The following GRM8 variants were observed in gnomAD, a reference collection of about 807,000 sequenced individuals.
GRM8 encodes metabotropic glutamate receptor 8.
Under a neutral mutation model 87.2 loss-of-function variants are expected in GRM8, and 47 were observed. The observed-to-expected ratio is 0.54, with a 90% CI of 0.43 to 0.69. The LOEUF (loss-of-function observed/expected upper bound fraction) is 0.69. Ranked by LOEUF, GRM8 falls within the 30% of genes least tolerant of loss-of-function variation. The pLI is 0.00. For synonymous variants in GRM8, 396 were observed against 404.5 expected (o/e 0.98, Z 0.25); for missense variants, 1,019 against 1,139.2 (o/e 0.89, Z 1.52).
At chr7:127,187,880 C>G (rs1794821623) in intron 2 of GRM8, among the ~76,000 whole-genome samples, 1 of 152,178 alleles carries the variant, frequency 6.6e-6, no homozygotes, top group South Asian at 2.1e-4. Flanking sequence ...AAAAATGATA[C>G]TACAATGGGG....
At chr7:126,834,965 A>G (rs1463188397) in intron 6 of GRM8, among the ~76,000 whole-genome samples, 1 of 151,580 alleles carries the variant, frequency 6.6e-6, no homozygotes, top group Non-Finnish European at 1.5e-5. Context: ...ATTCCCAGCT[A>G]TTTGGGAGGC....
Position 126,476,140 on chromosome 7 carries a change from T to C in GRM8, c.2431-29768A>G, listed in dbSNP as rs1805879706. 3.3e-5 allele frequency among the ~76,000 whole-genome samples: 5 copies of C among 152,120 alleles called. No individual in the cohort carries two copies. In the South Asian group the frequency reaches 1.0e-3, roughly 32 times the overall value. ...CAAATTAAAAAGCTTCTGCATCCTG[T>C]AATCCCAGCAACTCAGGAGGCTGAG... is the stretch of plus-strand genomic sequence containing the variant. On this transcript the variant is annotated intron_variant, in intron 9 of 10. Coordinates refer to ENST00000339582, the MANE Select transcript of GRM8 (RefSeq NM_000845.3).
intron 6 of GRM8, among the ~76,000 whole-genome samples, chr7:126,770,528 T>C (rs768312485): frequency 1.3e-5 from 2 of 152,090 alleles, no homozygotes; most frequent in African/African-American, 2.4e-5. Context: ...GGGAGCCTTT[T>C]TGTAACTTTT....
In GRM8 at chr7:127,240,424, CAA is replaced by C. The variant is rs11305864; in HGVS notation, c.510+2269_510+2270del. Reference sequence around the variant, plus strand: ...TTTTGCAGATTGGCTGATTCTATGGCAAAAAAAAAAAAAAAATGCAAACAAGC... The same window carrying C: ...TTTTGCAGATTGGCTGATTCTATGGCAAAAAAAAAAAAAATGCAAACAAGC... On this transcript the variant is annotated intron_variant, in intron 2 of 10. Coordinates refer to ENST00000339582, the MANE Select transcript of GRM8 (RefSeq NM_000845.3). Among the ~76,000 whole-genome samples the C allele has an allele frequency of 3.7e-3, 529 of 141,230 alleles. 1 individual carries two copies. Among genetic ancestry groups the C allele is most frequent in the East Asian group, 7.3e-3 (35 of 4,798 alleles). The allele number at this position is 141,230 out of a possible 152,430, so 92.7% of individuals were successfully genotyped here.
chr7:126,534,908 G>T (rs529108775), intron 8 of GRM8, among the ~76,000 whole-genome samples: 1 of 152,192 alleles, frequency 6.6e-6, no homozygotes, highest in East Asian at 1.9e-4. Context: ...CATACAATTT[G>T]CCCTCGATAC....
At chr7:126,676,503 C>T (rs911434478) in intron 7 of GRM8, among the ~76,000 whole-genome samples, 3 of 152,136 alleles carry the variant, frequency 2.0e-5, no homozygotes, top group African/African-American at 7.2e-5. Context: ...ACCAAGACAG[C>T]ATGGTACTGG....
chr7:127,252,915 T>G lies in GRM8; in HGVS notation c.-430A>C. The G allele has an allele frequency of 4.9e-6, 1 of 204,258 alleles. No homozygotes were observed. The highest frequency in any genetic ancestry group is 9.5e-6 in the Non-Finnish European group (1 of 105,266). The allele number at this position is 204,258 out of a possible 1,614,324, so 12.7% of individuals were successfully genotyped here. On this transcript the variant is annotated 5_prime_UTR_variant, in exon 1 of 11. Coordinates refer to ENST00000339582, the MANE Select transcript of GRM8 (RefSeq NM_000845.3). This position sits in a 1 kb window ranked among gnomAD's most constrained non-coding sequence, Gnocchi z 4.9. The stretch of plus-strand genomic sequence containing the variant: ...CGAGCACAGCGGCCGCACTTGTGGC[T>G]GATCTCTGGGCTGAGGGGGCTGAGC...
intron 9 of GRM8, among the ~76,000 whole-genome samples, chr7:126,501,827 G>A (rs1333605275): frequency 6.6e-6 from 1 of 151,936 alleles, no homozygotes. Flanking sequence ...GGAAGAGTCG[G>A]GGCAGGTCTG....
chr7:126,522,396 T>C lies in GRM8; in HGVS notation c.2430+10556A>G, dbSNP rs149205131. Reference sequence around the variant, plus strand: ...AAAATATAATGGTACTGAGAACATATTCATGCTCAAAAAGGTTAAATATAC... The same window carrying C: ...AAAATATAATGGTACTGAGAACATACTCATGCTCAAAAAGGTTAAATATAC... On this transcript the variant is annotated intron_variant, in intron 9 of 10. Coordinates refer to ENST00000339582, the MANE Select transcript of GRM8 (RefSeq NM_000845.3). Among the ~76,000 whole-genome samples, 11 of 152,294 alleles carry C rather than the reference T, an allele frequency of 7.2e-5. No homozygotes were observed. In the East Asian group the frequency reaches 2.1e-3, roughly 29 times the overall value.
At chr7:126,677,357 A>AC (rs1224262819) in intron 7 of GRM8, among the ~76,000 whole-genome samples, 1 of 123,160 alleles carries the variant, frequency 8.1e-6, no homozygotes, top group Non-Finnish European at 1.9e-5. Flanking sequence ...AGGGGCATCC[A>AC]CCCAAAAAAA....
intron 6 of GRM8, among the ~76,000 whole-genome samples, chr7:126,793,994 T>C (rs898588388): frequency 2.0e-5 from 3 of 152,164 alleles, no homozygotes; most frequent in Non-Finnish European, 4.4e-5. Context: ...GGATCATTAA[T>C]AGCAGTAGAG....
chr7:126,979,292 A>G (rs569786929), intron 3 of GRM8, among the ~76,000 whole-genome samples: 263 of 152,370 alleles, frequency 1.7e-3, no homozygotes, highest in Admixed American at 5.3e-3. Flanking sequence ...TTGCCTAAGC[A>G]AGCTATAACC....
intron 7 of GRM8, among the ~76,000 whole-genome samples, chr7:126,682,227 T>C (rs1488003287): frequency 6.6e-6 from 1 of 152,238 alleles, no homozygotes; most frequent in Non-Finnish European, 1.5e-5. Flanking sequence ...ATTATATCCC[T>C]ACTGTACTAA....
intron 6 of GRM8, among the ~76,000 whole-genome samples, chr7:126,878,629 C>T (rs1425063205): frequency 1.3e-5 from 2 of 151,306 alleles, no homozygotes; most frequent in African/African-American, 4.9e-5. Context: ...AAGCGATTCT[C>T]CAGCCTCAGC....
At chr7:126,607,712 T>C (rs62477890) in intron 8 of GRM8, among the ~76,000 whole-genome samples, 1 of 152,116 alleles carries the variant, frequency 6.6e-6, no homozygotes, top group Non-Finnish European at 1.5e-5. Context: ...ATTATTATTA[T>C]TATACTTTAA....
intron 3 of GRM8, among the ~76,000 whole-genome samples, chr7:127,010,790 G>T (rs11563511): frequency 0.071 from 10,812 of 152,130 alleles, 529 homozygotes; most frequent in South Asian, 0.12. Context: ...CCAGATTTGA[G>T]GAGGGACAAA....
At chr7:126,495,661 T>C (rs1455320844) in intron 9 of GRM8, among the ~76,000 whole-genome samples, 1 of 151,926 alleles carries the variant, frequency 6.6e-6, no homozygotes, top group African/African-American at 2.4e-5. Flanking sequence ...TCATTAGGGG[T>C]ATCAAAAGTT....
At chr7:127,193,627 G>C (rs142097790) in intron 2 of GRM8, among the ~76,000 whole-genome samples, 4 of 152,230 alleles carry the variant, frequency 2.6e-5, no homozygotes, top group African/African-American at 9.6e-5. Context: ...AGCTTCTTTT[G>C]AGCAATTGGT....
At chr7:126,509,872 TA>T (rs1231729778) in intron 9 of GRM8, among the ~76,000 whole-genome samples, 1 of 152,038 alleles carries the variant, frequency 6.6e-6, no homozygotes, top group East Asian at 1.9e-4. Flanking sequence ...ATTGTGATGA[TA>T]ACAGGTGAGA....
Sources: gnomAD v4.1 joint callset for allele counts (sites outside exome capture counted in the v4.1 genomes callset) on GRCh38, gnomAD v4.1.1 for gene constraint, Gnocchi (gnomAD v3.1) non-coding constraint, MANE v1.5 for transcripts, NCBI Gene and HGNC (gene_info 2026-07-23, HGNC 2026-07-21) for gene names.